YWHAZ: variants seen among roughly 807,000 people sequenced by gnomAD.
YWHAZ encodes 14-3-3 protein zeta/delta.
For missense variants in YWHAZ, 79 were observed against 284.8 expected, an observed-to-expected ratio of 0.28 and a Z score of 5.20; for synonymous variants, 87 against 103.6, an observed-to-expected ratio of 0.84 and a Z score of 0.97.
At chr8:100,921,623 G>A (rs1813033439) in intron 5 of YWHAZ, among the ~76,000 whole-genome samples, 2 of 152,168 alleles carry the variant, frequency 1.3e-5, no homozygotes, top group African/African-American at 4.8e-5. Flanking sequence ...TATCAGGTTG[G>A]TGCAAAAGTA....
rs1810452724 is a variant in YWHAZ at position 100,948,226 on chromosome 8, G to A, written c.294+370C>T. On this transcript the variant is annotated intron_variant, in intron 2 of 5. Transcript: ENST00000395958. The surrounding 1 kb of genome is among the most constrained non-coding windows in gnomAD (Gnocchi z 4.2). Reference sequence around the variant, plus strand: ...TCCTATTACATCTCTCTTACCTAAAGTATGTAAAATTCCTTTATCCACAGA... The same window carrying A: ...TCCTATTACATCTCTCTTACCTAAAATATGTAAAATTCCTTTATCCACAGA... 4.8e-6 allele frequency: 6 copies of A among 1,244,772 alleles called. No homozygotes were observed. Among genetic ancestry groups the A allele is most frequent in the Non-Finnish European group, 6.5e-6 (6 of 917,862 alleles). 77.1% of individuals were successfully genotyped at this position (1,244,772 alleles called of 1,614,324 possible). A position where few individuals can be genotyped will look rare whatever the true frequency, so the allele number is the denominator to read the frequency against.
At chr8:100,950,374 G>A (rs1810622439) in intron 1 of YWHAZ, 2 of 985,354 alleles carry the variant, frequency 2.0e-6, no homozygotes, top group Non-Finnish European at 2.4e-6. Context: ...CTACACTGCG[G>A]GCAGGACTCA....
intron 2 of YWHAZ, among the ~76,000 whole-genome samples, chr8:100,946,213 A>G (rs1810252953): frequency 6.6e-6 from 1 of 152,188 alleles, no homozygotes; most frequent in African/African-American, 2.4e-5. Flanking sequence ...AAGTTTCTTC[A>G]TAAGGAAACT....
Position 100,948,585 on chromosome 8 carries a change from T to C in YWHAZ, c.294+11A>G, listed in dbSNP as rs770879611. ...TACAGTATAATGAAGCCAGACTGAATTGATTCTCACCAGTACATCATTGCA... is the reference window on the plus strand; with the variant it reads ...TACAGTATAATGAAGCCAGACTGAACTGATTCTCACCAGTACATCATTGCA... On this transcript the variant is annotated intron_variant, in intron 2 of 5. Coordinates refer to ENST00000395958, the MANE Select transcript of YWHAZ (RefSeq NM_145690.3). The surrounding 1 kb of genome is among the most constrained non-coding windows in gnomAD (Gnocchi z 4.2). 1.3e-5 allele frequency: 21 copies of C among 1,609,206 alleles called. No homozygotes were observed. Among genetic ancestry groups the C allele is most frequent in the Non-Finnish European group, 1.5e-5 (18 of 1,178,418 alleles).
Position 100,950,661 on chromosome 8 carries a change from G to A in YWHAZ, c.-12+1268C>T, listed in dbSNP as rs532715410. On this transcript the variant is annotated intron_variant, in intron 1 of 5. Transcript: ENST00000395958. ...CCCGCGCCCCCGCCCAAGCCGTGGGGGGGGGGGAGAGATGGGGAGCGAAGC... is the reference window on the plus strand; with the variant it reads ...CCCGCGCCCCCGCCCAAGCCGTGGGAGGGGGGGAGAGATGGGGAGCGAAGC... 22 of 914,888 alleles carry A rather than the reference G, an allele frequency of 2.4e-5. 1 individual carries two copies. Among genetic ancestry groups the A allele is most frequent in the Non-Finnish European group, 2.9e-5 (22 of 766,170 alleles). The allele number at this position is 914,888 out of a possible 1,614,324, so 56.7% of individuals were successfully genotyped here. A position where few individuals can be genotyped will look rare whatever the true frequency, so the allele number is the denominator to read the frequency against.
rs373085118 is a variant in YWHAZ, at chr8:100,922,048, G to A, written c.679-1296C>T. Among the ~76,000 whole-genome samples the A allele has an allele frequency of 7.2e-5, 11 of 152,244 alleles. No individual in the cohort carries two copies. The South Asian group carries it at 1.0e-3, about 14-fold the overall frequency. On this transcript the variant is annotated intron_variant, in intron 5 of 5. Transcript: ENST00000395958. The surrounding 1 kb of genome is among the most constrained non-coding windows in gnomAD (Gnocchi z 4.1). Reference sequence around the variant, plus strand: ...TCCAAGGTCATACAGATAGCCAAATGACCTCTTGGAAACTGTGTGCTCCTC... The same window carrying A: ...TCCAAGGTCATACAGATAGCCAAATAACCTCTTGGAAACTGTGTGCTCCTC...
chr8:100,951,621 A>C, intron 1 of YWHAZ: 1 of 985,028 alleles, frequency 1.0e-6, no homozygotes, highest in Non-Finnish European at 1.2e-6. Context: ...AGCCGGCGAC[A>C]GGGAGATCCC....
chr8:100,950,278 C>T, intron 1 of YWHAZ: 1 of 753,236 alleles, frequency 1.3e-6, no homozygotes, highest in Non-Finnish European at 1.6e-6. Context: ...TAAGCCAGTA[C>T]AAAGGATTCT....
intron 1 of YWHAZ, among the ~76,000 whole-genome samples, chr8:100,949,992 G>T (rs908400869): frequency 6.6e-6 from 1 of 152,156 alleles, no homozygotes; most frequent in Non-Finnish European, 1.5e-5. Flanking sequence ...GTTAGAAGGT[G>T]AACAGAAGAG....
At chr8:100,930,936 G>A (rs751222344) in intron 2 of YWHAZ, among the ~76,000 whole-genome samples, 17 of 152,126 alleles carry the variant, frequency 1.1e-4, no homozygotes, top group Non-Finnish European at 2.4e-4. Context: ...CAAGAAGCCG[G>A]TATCTAATAC....
At chr8:100,944,427 T>G (rs1810114842) in intron 2 of YWHAZ, among the ~76,000 whole-genome samples, 2 of 152,168 alleles carry the variant, frequency 1.3e-5, no homozygotes, top group African/African-American at 2.4e-5. Flanking sequence ...TCAGTCAAAT[T>G]AACAGAATCA....
At position 100,916,980 on chromosome 8, in the gene YWHAZ, G is replaced by GT. The variant is rs1354512533; in HGVS notation, c.*3712dup. Reference sequence around the variant, plus strand: ...TGTACATATTTTCAGTTCTACCATAGTATTTCCTATATGGTAAATGAGAGA... The same window carrying GT: ...TGTACATATTTTCAGTTCTACCATAGTTATTTCCTATATGGTAAATGAGAGA... On this transcript the variant is annotated 3_prime_UTR_variant, in exon 6 of 6. Coordinates refer to ENST00000395958, the MANE Select transcript of YWHAZ (RefSeq NM_145690.3). 3.3e-5 allele frequency: 5 copies of GT among 152,152 alleles called. No homozygotes were observed. The highest frequency in any genetic ancestry group is 1.2e-4 in the African/African-American group (5 of 41,414). 9.4% of individuals were successfully genotyped at this position (152,152 alleles called of 1,614,324 possible).
At chr8:100,936,912 C>A (rs1419478619) in intron 2 of YWHAZ, among the ~76,000 whole-genome samples, 1 of 152,044 alleles carries the variant, frequency 6.6e-6, no homozygotes, top group Non-Finnish European at 1.5e-5. Flanking sequence ...TCATTAGAGG[C>A]AAAGACTAAA....
intron 2 of YWHAZ, among the ~76,000 whole-genome samples, 192 bp from the exon 3 acceptor site, chr8:100,925,231 A>G (rs1370198427): frequency 6.6e-6 from 1 of 152,220 alleles, no homozygotes; most frequent in Non-Finnish European, 1.5e-5. Context: ...GCAATATTTT[A>G]AGTTTGAAGT....
chr8:100,946,457 A>G (rs1460531239), intron 2 of YWHAZ, among the ~76,000 whole-genome samples: 3 of 152,210 alleles, frequency 2.0e-5, no homozygotes, highest in Non-Finnish European at 4.4e-5. Flanking sequence ...AGGTCAAGGC[A>G]GAAGAATTGC....
intron 2 of YWHAZ, among the ~76,000 whole-genome samples, chr8:100,946,763 T>C (rs1810309424): frequency 6.6e-6 from 1 of 152,046 alleles, no homozygotes; most frequent in Non-Finnish European, 1.5e-5. Flanking sequence ...GAAATGTTAA[T>C]GTGTAACACA....
chr8:100,928,739 GAA>G (rs150237761), intron 2 of YWHAZ, among the ~76,000 whole-genome samples: 2 of 112,286 alleles, frequency 1.8e-5, no homozygotes, highest in African/African-American at 3.3e-5. Context: ...GTCTTAAAAA[GAA>G]AAAAAAAAAA....
At chr8:100,931,775 T>C (rs1813778803) in intron 2 of YWHAZ, among the ~76,000 whole-genome samples, 1 of 152,120 alleles carries the variant, frequency 6.6e-6, no homozygotes, top group Non-Finnish European at 1.5e-5. Flanking sequence ...ATTCTGACAT[T>C]CAAAAATCTG....
chr8:100,943,214 C>T (rs1246807620), intron 2 of YWHAZ, among the ~76,000 whole-genome samples: 1 of 152,156 alleles, frequency 6.6e-6, no homozygotes, highest in African/African-American at 2.4e-5. Context: ...TTCTAAGTCC[C>T]CTAAAACCTT....
Sources: gnomAD v4.1 joint callset for allele counts (sites outside exome capture counted in the v4.1 genomes callset) on GRCh38, gnomAD v4.1.1 for gene constraint, Gnocchi (gnomAD v3.1) non-coding constraint, MANE v1.5 for transcripts, NCBI Gene and HGNC (gene_info 2026-07-23, HGNC 2026-07-21) for gene names.